Variants in DUSP13B observed in about 807,000 individuals in gnomAD.
DUSP13B encodes dual specificity phosphatase 13B.
chr10:75,108,745 T>C, the DUSP13B span, among the ~76,000 whole-genome samples: 1 of 152,168 alleles, frequency 6.6e-6, no homozygotes, highest in East Asian at 1.9e-4. Flanking sequence ...GCCTCTACAC[T>C]TGACAGTTGT....
At chr10:75,107,375 C>A in the DUSP13B span, among the ~76,000 whole-genome samples, 25 of 151,760 alleles carry the variant, frequency 1.6e-4, no homozygotes, top group Non-Finnish European at 1.5e-5. Context: ...AAAAAAAGTA[C>A]TTTGGGGCAG....
chr10:75,096,494 C>CG, the DUSP13B span, among the ~76,000 whole-genome samples: 4,651 of 150,938 alleles, frequency 0.031, 105 homozygotes, highest in Non-Finnish European at 0.049. Flanking sequence ...GGAGAATCAC[C>CG]TGAGCCTGGG....
At chr10:75,094,574 C>T in the DUSP13B span, 1 of 1,327,150 alleles carries the variant, frequency 7.5e-7, no homozygotes, top group Admixed American at 2.2e-5. Context: ...CCCCCACTTG[C>T]TGTTTACATC....
chr10:75,095,797 TGGA>T, the DUSP13B span: 1 of 1,613,870 alleles, frequency 6.2e-7, no homozygotes, highest in Non-Finnish European at 8.5e-7. Flanking sequence ...GCTGCGTACC[TGGA>T]GGAGAGGGCA....
At chr10:75,095,662 C>T in the DUSP13B span, 11 of 1,614,194 alleles carry the variant, frequency 6.8e-6, no homozygotes, top group South Asian at 2.2e-5. Flanking sequence ...TCGTCCGCCT[C>T]GATGCCATAG....
At chr10:75,099,530 T>C in the DUSP13B span, 7 of 1,231,436 alleles carry the variant, frequency 5.7e-6, no homozygotes, top group African/African-American at 7.8e-5. Flanking sequence ...ACACAAACAC[T>C]GTGAAGCGGC....
chr10:75,095,889 C>T, the DUSP13B span: 1 of 1,187,054 alleles, frequency 8.4e-7, no homozygotes, highest in Non-Finnish European at 1.2e-6. Flanking sequence ...CCCCGCCCAC[C>T]ACCCACCAAG....
chr10:75,095,428 G>A, the DUSP13B span: 3 of 706,370 alleles, frequency 4.2e-6, no homozygotes, highest in African/African-American at 5.3e-5. Context: ...GACACTCACT[G>A]AATGGTAGTA....
the DUSP13B span, chr10:75,094,886 G>T: frequency 1.2e-6 from 2 of 1,613,406 alleles, no homozygotes; most frequent in Non-Finnish European, 1.7e-6. Context: ...GGCCTGTAGG[G>T]AGAACCAACT....
the DUSP13B span, chr10:75,104,017 C>G: frequency 9.6e-6 from 13 of 1,360,834 alleles, no homozygotes; most frequent in Non-Finnish European, 1.3e-5. Context: ...CCGCCTGGGC[C>G]AGAGCCTCCA....
chr10:75,101,325 C>T, the DUSP13B span, among the ~76,000 whole-genome samples: 34 of 152,290 alleles, frequency 2.2e-4, no homozygotes, highest in Non-Finnish European at 4.4e-4. Context: ...ATGGTAGATG[C>T]CCAATAAATG....
the DUSP13B span, among the ~76,000 whole-genome samples, chr10:75,097,181 C>T: frequency 1.3e-5 from 2 of 152,008 alleles, no homozygotes; most frequent in Non-Finnish European, 2.9e-5. Flanking sequence ...GCTGTTCATA[C>T]GTGCTCTGTG....
At chr10:75,094,732 G>A in the DUSP13B span, 1 of 1,614,058 alleles carries the variant, frequency 6.2e-7, no homozygotes, top group African/African-American at 1.3e-5. Flanking sequence ...AGCTGCCGGA[G>A]GAAGCCTGAG....
the DUSP13B span, chr10:75,108,892 G>A: frequency 7.4e-7 from 1 of 1,352,964 alleles, no homozygotes; most frequent in Non-Finnish European, 9.8e-7. Context: ...TCCCTGGCCT[G>A]GGATGGTCAG....
the DUSP13B span, among the ~76,000 whole-genome samples, chr10:75,101,073 G>C: frequency 6.6e-6 from 1 of 152,252 alleles, no homozygotes; most frequent in Admixed American, 6.5e-5. Context: ...CTCAGGGCAG[G>C]ACCAGTGAGG....
chr10:75,094,684 G>T, the DUSP13B span: 113 of 1,613,634 alleles, frequency 7.0e-5, 1 homozygote, highest in South Asian at 8.0e-4. Context: ...GATCAGAACC[G>T]CCCCGTCTCC....
At chr10:75,103,768 G>A in the DUSP13B span, 1 of 731,958 alleles carries the variant, frequency 1.4e-6, no homozygotes. Context: ...AGACAGCTGT[G>A]GCCAACAGCT....
At chr10:75,097,231 A>T in the DUSP13B span, among the ~76,000 whole-genome samples, 1 of 151,554 alleles carries the variant, frequency 6.6e-6, no homozygotes, top group Admixed American at 6.6e-5. Flanking sequence ...TCTTTGAGAC[A>T]GAGTTTCGCT....
chr10:75,105,900 C>T, the DUSP13B span: 4 of 1,536,500 alleles, frequency 2.6e-6, no homozygotes, highest in Non-Finnish European at 3.5e-6. Flanking sequence ...AAAACCCTGT[C>T]CCACACACCG....
Sources: allele counts gnomAD v4.1 joint callset (sites outside exome capture counted in the v4.1 genomes callset), GRCh38; gene constraint gnomAD v4.1.1; transcripts MANE v1.5; gene names NCBI Gene and HGNC (gene_info 2026-07-23, HGNC 2026-07-21).